The following VAPB variants were observed in gnomAD, a reference collection of about 807,000 sequenced individuals.
VAPB encodes vesicle-associated membrane protein-associated protein B/C.
Under a neutral mutation model 25.6 loss-of-function variants are expected in VAPB, and 7 were observed. That is an observed-to-expected ratio of 0.27 (90% CI 0.16 to 0.51). The LOEUF (loss-of-function observed/expected upper bound fraction) is 0.51. Ranked by LOEUF, VAPB falls within the 20% of genes least tolerant of loss-of-function variation. The pLI is 0.97. For missense variants in VAPB, 266 were observed against 301.3 expected, an observed-to-expected ratio of 0.88 and a Z score of 0.87; for synonymous variants, 112 against 109.2, an observed-to-expected ratio of 1.03 and a Z score of -0.16.
rs566511113 is a variant in VAPB, at chr20:58,447,767, C to T, written c.*3532C>T. 1.0e-3 allele frequency: 464 copies of T among 453,796 alleles called. 2 individuals are homozygous for T. Among genetic ancestry groups the T allele is most frequent in the African/African-American group, 8.4e-3 (421 of 50,098 alleles). 28.1% of individuals were successfully genotyped at this position (453,796 alleles called of 1,614,324 possible). A position where few individuals can be genotyped will look rare whatever the true frequency, so the allele number is the denominator to read the frequency against. On this transcript the variant is annotated 3_prime_UTR_variant, in exon 6 of 6. Coordinates refer to ENST00000475243, the MANE Select transcript of VAPB (RefSeq NM_004738.5). ...TTGCATACACAAATTTTTGTGTTTG[C>T]AAACTCAGAATCCATGCCAAAATAC...
chr20:58,423,414 C>CAAAAAAAAAAAAAAAAAAAAA (rs59133081), intron 2 of VAPB, among the ~76,000 whole-genome samples: 5 of 34,762 alleles, frequency 1.4e-4, no homozygotes, highest in African/African-American at 2.1e-4. Context: ...CTCCATCTCA[C>CAAAAAAAAAAAAAAAAAAAAA]AAAAAAAAAA....
intron 2 of VAPB, among the ~76,000 whole-genome samples, chr20:58,433,592 G>A (rs1988972709): frequency 6.6e-6 from 1 of 152,206 alleles, no homozygotes; most frequent in Admixed American, 6.5e-5. Flanking sequence ...ACTCCACCAA[G>A]GTGTAACCTT....
chr20:58,439,947 A>G (rs943528890), intron 4 of VAPB: 6 of 152,270 alleles, frequency 3.9e-5, no homozygotes, highest in African/African-American at 1.4e-4. Flanking sequence ...GTTGGGAAAC[A>G]GAAGTACCCT....
chr20:58,393,712 G>GTTTGTTTTGTTTTGTTTTGT (rs71938478), intron 1 of VAPB, among the ~76,000 whole-genome samples: 2 of 150,412 alleles, frequency 1.3e-5, no homozygotes, highest in Non-Finnish European at 3.0e-5. Context: ...CTAGGTTAAG[G>GTTTGTTTTGTTTTGTTTTGT]TTTGTTTTGT....
rs75218434 is a variant in VAPB, at chr20:58,401,799, G to A, written c.58+12282G>A. On this transcript the variant is annotated intron_variant, in intron 1 of 5. Coordinates refer to ENST00000475243, the MANE Select transcript of VAPB (RefSeq NM_004738.5). ...AAGCCCATATAAAAGGCTGCAATAC[G>A]TTAAATGCAGCATGACCCAAGCTGA... 2.9e-3 allele frequency among the ~76,000 whole-genome samples: 445 copies of A among 152,232 alleles called. 3 individuals are homozygous for A. The highest frequency in any genetic ancestry group is 0.01 in the African/African-American group (423 of 41,540).
At chr20:58,429,178 A>T (rs1438113681) in intron 2 of VAPB, among the ~76,000 whole-genome samples, 2 of 151,570 alleles carry the variant, frequency 1.3e-5, no homozygotes, top group Admixed American at 6.6e-5. Context: ...CTTTTCTCAG[A>T]TCAAAAACCT....
Position 58,445,845 on chromosome 20 carries a change from G to A in VAPB, c.*1610G>A, listed in dbSNP as rs1989278622. ...CAGTAAAAAGCAGCCTCCCTTCTAG[G>A]TCAGGGAACCATGCCATTGAGACTA... On this transcript the variant is annotated 3_prime_UTR_variant, in exon 6 of 6. Transcript: ENST00000475243. The A allele has an allele frequency of 2.2e-6, 1 of 453,836 alleles. No individual in the cohort carries two copies. Among genetic ancestry groups the A allele is most frequent in the Non-Finnish European group, 4.4e-6 (1 of 226,780 alleles). The allele number at this position is 453,836 out of a possible 1,614,324, so 28.1% of individuals were successfully genotyped here.
chr20:58,393,930 C>G (rs1313633696), intron 1 of VAPB, among the ~76,000 whole-genome samples: 1 of 152,216 alleles, frequency 6.6e-6, no homozygotes, highest in Non-Finnish European at 1.5e-5. Context: ...CAGGGTTTCT[C>G]CCTGTTGGTC....
At chr20:58,425,285 C>T (rs1988761270) in intron 2 of VAPB, among the ~76,000 whole-genome samples, 1 of 152,164 alleles carries the variant, frequency 6.6e-6, no homozygotes, top group Non-Finnish European at 1.5e-5. Flanking sequence ...GAAGCCCTGT[C>T]TTGCCCTCTT....
intron 3 of VAPB, among the ~76,000 whole-genome samples, chr20:58,437,327 TATTCTGG>T (rs1222175818): frequency 6.6e-6 from 1 of 152,082 alleles, no homozygotes; most frequent in Non-Finnish European, 1.5e-5. Context: ...GAATGTCCTG[TATTCTGG>T]ATTTATTTGA....
chr20:58,401,358 C>T (rs1720602573), intron 1 of VAPB, among the ~76,000 whole-genome samples: 1 of 152,086 alleles, frequency 6.6e-6, no homozygotes, highest in South Asian at 2.1e-4. Flanking sequence ...TTTCACTTTC[C>T]TTCTTATCAT....
At chr20:58,438,342 A>G (rs920972707) in intron 3 of VAPB, among the ~76,000 whole-genome samples, 6 of 152,184 alleles carry the variant, frequency 3.9e-5, no homozygotes, top group African/African-American at 1.4e-4. Flanking sequence ...CAGTGGCATG[A>G]TCATGGCTCA....
chr20:58,434,777 G>A, intron 3 of VAPB, 72 bp downstream of exon 3: 1 of 772,966 alleles, frequency 1.3e-6, no homozygotes, highest in South Asian at 1.4e-5. Context: ...GGAATTGTGG[G>A]TGCATGCATT....
chr20:58,424,700 T>C (rs1305670402), intron 2 of VAPB, among the ~76,000 whole-genome samples: 1 of 152,252 alleles, frequency 6.6e-6, no homozygotes, highest in East Asian at 1.9e-4. Context: ...GGCCAGTGCC[T>C]GTATATAGCA....
Position 58,445,994 on chromosome 20 carries a change from A to G in VAPB, c.*1759A>G. ...CGTTGCTCCTAAGCCTGGCTCTGTC[A>G]AGCTGGGTCAGGGGCCTTGAAACTG... is the stretch of plus-strand genomic sequence containing the variant. On this transcript the variant is annotated 3_prime_UTR_variant, in exon 6 of 6. Transcript: ENST00000475243. 2.2e-6 allele frequency: 1 copy of G among 454,064 alleles called. No individual in the cohort carries two copies. The highest frequency in any genetic ancestry group is 4.4e-6 in the Non-Finnish European group (1 of 226,780). The allele number at this position is 454,064 out of a possible 1,614,324, so 28.1% of individuals were successfully genotyped here. A position where few individuals can be genotyped will look rare whatever the true frequency, so the allele number is the denominator to read the frequency against.
intron 1 of VAPB, among the ~76,000 whole-genome samples, chr20:58,403,894 A>G (rs1453086152): frequency 6.6e-6 from 1 of 152,206 alleles, no homozygotes; most frequent in Non-Finnish European, 1.5e-5. Flanking sequence ...CCTTGCACCA[A>G]GTTGGCAAGC....
intron 2 of VAPB, chr20:58,432,565 C>A (rs2123085453): frequency 6.6e-6 from 1 of 152,314 alleles, no homozygotes; most frequent in Middle Eastern, 3.4e-3. Context: ...ACTGAATTCA[C>A]TTTAATTTTA....
At chr20:58,431,523 C>T (rs1343493863) in intron 2 of VAPB, 1 of 151,994 alleles carries the variant, frequency 6.6e-6, no homozygotes, top group East Asian at 1.9e-4. Flanking sequence ...CCCAGGTGAG[C>T]CCACTTAGCG....
In VAPB at chr20:58,449,953, A is replaced by C. The variant is rs1276778964; in HGVS notation, c.*5718A>C. ...GGTTCCCTTTTTTTTTCCCTTTGGAAAATGCCAACTAAGGGAGACTAATCA... is the reference window on the plus strand; with the variant it reads ...GGTTCCCTTTTTTTTTCCCTTTGGACAATGCCAACTAAGGGAGACTAATCA... On this transcript the variant is annotated 3_prime_UTR_variant, in exon 6 of 6. Coordinates refer to ENST00000475243, the MANE Select transcript of VAPB (RefSeq NM_004738.5). 1 of 454,062 alleles carries C rather than the reference A, an allele frequency of 2.2e-6. No individual in the cohort carries two copies. Among genetic ancestry groups the C allele is most frequent in the Non-Finnish European group, 4.4e-6 (1 of 226,778 alleles). The allele number at this position is 454,062 out of a possible 1,614,324, so 28.1% of individuals were successfully genotyped here.
Sources: gnomAD v4.1 joint callset for allele counts (sites outside exome capture counted in the v4.1 genomes callset) on GRCh38, gnomAD v4.1.1 for gene constraint, MANE v1.5 for transcripts, NCBI Gene and HGNC (gene_info 2026-07-23, HGNC 2026-07-21) for gene names.